The following EBF2 variants were observed in gnomAD, a reference collection of about 807,000 sequenced individuals.
EBF2 encodes transcription factor COE2.
Under a neutral mutation model 72.8 loss-of-function variants are expected in EBF2, and 21 were observed. That is an observed-to-expected ratio of 0.29 (90% CI 0.20 to 0.42). The LOEUF (loss-of-function observed/expected upper bound fraction) is 0.42. Among genes scored for constraint, EBF2 ranks in the 10% least tolerant of loss-of-function variants. The probability of loss-of-function intolerance (pLI) is 1.00; values close to 1 mark genes in which losing one functional copy is unlikely to be tolerated. For missense variants in EBF2, 637 were observed against 731.2 expected, an observed-to-expected ratio of 0.87 and a Z score of 1.49; for synonymous variants, 299 against 274.2, an observed-to-expected ratio of 1.09 and a Z score of -0.89.
At chr8:25,908,645 G>A (rs577159373) in intron 6 of EBF2, 90 bp from the exon 7 acceptor site, 11 of 885,622 alleles carry the variant, frequency 1.2e-5, no homozygotes, top group South Asian at 1.1e-4. Context: ...ATTTGACAGC[G>A]ATTCTATTTC....
chr8:25,853,985 A>AT (rs1563375789), intron 14 of EBF2, among the ~76,000 whole-genome samples: 1 of 152,130 alleles, frequency 6.6e-6, no homozygotes, highest in Admixed American at 6.6e-5. Flanking sequence ...CCTTAAATGT[A>AT]TTGCTTTCAC....
At chr8:25,868,949 A>G (rs1368707058) in intron 10 of EBF2, among the ~76,000 whole-genome samples, 1 of 152,102 alleles carries the variant, frequency 6.6e-6, no homozygotes, top group Admixed American at 6.6e-5. Flanking sequence ...TATCATTTCA[A>G]GCTGATTTAC....
intron 6 of EBF2, among the ~76,000 whole-genome samples, chr8:25,951,647 TG>T (rs1051086800): frequency 7.2e-5 from 11 of 152,184 alleles, no homozygotes; most frequent in African/African-American, 2.7e-4. Flanking sequence ...AGGGCAAAGA[TG>T]AGAGAGTTTT....
intron 10 of EBF2, among the ~76,000 whole-genome samples, chr8:25,875,649 A>C (rs1447733902): frequency 1.3e-5 from 2 of 152,182 alleles, no homozygotes; most frequent in Admixed American, 1.3e-4. Context: ...TCTTCTAGAA[A>C]GTTCCACCTA....
At chr8:25,941,833 C>T (rs1803678740) in intron 6 of EBF2, among the ~76,000 whole-genome samples, 1 of 152,190 alleles carries the variant, frequency 6.6e-6, no homozygotes, top group Admixed American at 6.5e-5. Flanking sequence ...ATTTATGACA[C>T]CCTGATAAAC....
chr8:25,986,017 A>AAAAAAAAAAAAAAAAAAAAT (rs1804448086), intron 6 of EBF2, among the ~76,000 whole-genome samples: 1 of 149,566 alleles, frequency 6.7e-6, no homozygotes. Flanking sequence ...AAAAAAAAAA[A>AAAAAAAAAAAAAAAAAAAAT]AAAAAAAAGT....
chr8:25,922,538 A>G (rs140516446), intron 6 of EBF2, among the ~76,000 whole-genome samples: 15 of 152,322 alleles, frequency 9.8e-5, no homozygotes, highest in African/African-American at 3.1e-4. Context: ...AAACTTTAAA[A>G]TAGTTCAGCC....
intron 6 of EBF2, among the ~76,000 whole-genome samples, chr8:25,952,142 T>C (rs1333898128): frequency 1.3e-5 from 2 of 151,974 alleles, no homozygotes; most frequent in Admixed American, 1.3e-4. Context: ...AAAAAAATTA[T>C]TTAATTAGCC....
At chr8:26,014,755 A>G (rs1394842805) in intron 6 of EBF2, among the ~76,000 whole-genome samples, 1 of 152,160 alleles carries the variant, frequency 6.6e-6, no homozygotes, top group Non-Finnish European at 1.5e-5. Flanking sequence ...ACATAATACT[A>G]ATTCTTATAG....
chr8:25,944,088 C>T (rs10091838), intron 6 of EBF2, among the ~76,000 whole-genome samples: 3,390 of 152,206 alleles, frequency 0.022, 129 homozygotes, highest in African/African-American at 0.077. Context: ...TTATAGTTTT[C>T]TATTTAAGTT....
At chr8:25,923,934 T>G (rs1005197037) in intron 6 of EBF2, among the ~76,000 whole-genome samples, 10 of 101,426 alleles carry the variant, frequency 9.9e-5, no homozygotes, top group African/African-American at 2.6e-4. Flanking sequence ...TTTATGCTTC[T>G]CCTAATGAGA....
intron 6 of EBF2, among the ~76,000 whole-genome samples, chr8:25,922,886 C>T (rs1273889136): frequency 6.6e-6 from 1 of 151,954 alleles, no homozygotes; most frequent in Non-Finnish European, 1.5e-5. Context: ...TTCTTTCTGA[C>T]CCTGGAGTTT....
chr8:25,964,779 GCT>G (rs1367764885), intron 6 of EBF2, among the ~76,000 whole-genome samples: 1 of 152,190 alleles, frequency 6.6e-6, no homozygotes, highest in Non-Finnish European at 1.5e-5. Context: ...CAGTCCAAGA[GCT>G]CTGAGAAATC....
At chr8:25,941,163 T>A (rs182810492) in intron 6 of EBF2, among the ~76,000 whole-genome samples, 1 of 151,170 alleles carries the variant, frequency 6.6e-6, no homozygotes, top group African/African-American at 2.4e-5. Context: ...CTGCAGTCCC[T>A]GGGGCCTCCC....
intron 10 of EBF2, among the ~76,000 whole-genome samples, chr8:25,868,614 T>C (rs1269835216): frequency 6.6e-5 from 10 of 152,054 alleles, no homozygotes; most frequent in Non-Finnish European, 1.5e-4. Flanking sequence ...CTGACTAACT[T>C]GGGCTACAGA....
At chr8:25,965,513 T>C (rs1011620255) in intron 6 of EBF2, among the ~76,000 whole-genome samples, 2 of 152,124 alleles carry the variant, frequency 1.3e-5, no homozygotes, top group Non-Finnish European at 2.9e-5. Flanking sequence ...AAATAATATA[T>C]GAAGTGAAAA....
At chr8:25,941,444 G>T (rs919353110) in intron 6 of EBF2, among the ~76,000 whole-genome samples, 1 of 152,132 alleles carries the variant, frequency 6.6e-6, no homozygotes, top group Non-Finnish European at 1.5e-5. Context: ...GGCCTCAAGT[G>T]ATCTGCCCAC....
intron 10 of EBF2, among the ~76,000 whole-genome samples, chr8:25,885,093 A>G (rs1802667637): frequency 6.6e-6 from 1 of 151,934 alleles, no homozygotes. Context: ...CAGTCTTTAT[A>G]TTAACACCAT....
At chr8:26,031,669 C>A in intron 6 of EBF2, 1 of 152,032 alleles carries the variant, frequency 6.6e-6, no homozygotes, top group East Asian at 1.9e-4. Flanking sequence ...CCCCCGACCT[C>A]AAGTGATCTG....
Sources: allele counts gnomAD v4.1 joint callset (sites outside exome capture counted in the v4.1 genomes callset), GRCh38; gene constraint gnomAD v4.1.1; transcripts MANE v1.5; gene names NCBI Gene and HGNC (gene_info 2026-07-23, HGNC 2026-07-21).